HERC5: variants seen among roughly 807,000 people sequenced by gnomAD.
HERC5 encodes the protein HECT and RLD domain containing E3 ubiquitin protein ligase 5, also known as E3 ISG15--protein ligase HERC5.
HERC5 carries 99 observed loss-of-function variants against 119.6 expected under a neutral mutation model. The observed-to-expected ratio is 0.83, with a 90% confidence interval of 0.70 to 0.98. HERC5 has a LOEUF of 0.98. Ranked by LOEUF, HERC5 falls within the 50% of genes least tolerant of loss-of-function variation. HERC5 has a pLI of 0.00. For synonymous variants in HERC5, 478 were observed against 445.9 expected, an observed-to-expected ratio of 1.07 and a Z score of -0.91; for missense variants, 1,267 against 1,241.3, an observed-to-expected ratio of 1.02 and a Z score of -0.31.
At chr4:88,501,287 T>C (rs950890831) in intron 20 of HERC5, among the ~76,000 whole-genome samples, 2 of 152,232 alleles carry the variant, frequency 1.3e-5, no homozygotes, top group African/African-American at 4.8e-5. Context: ...ACACATTACC[T>C]ACCTTTAGGG....
intron 11 of HERC5, among the ~76,000 whole-genome samples, chr4:88,474,762 A>T (rs921485640): frequency 6.6e-6 from 1 of 152,196 alleles, no homozygotes; most frequent in African/African-American, 2.4e-5. Flanking sequence ...CAGATTTCTC[A>T]TCAGTAAAAT....
In HERC5 at chr4:88,494,266, T is replaced by G. The variant is rs142762471; in HGVS notation, c.2379T>G (p.Phe793Leu). 1 of 1,613,836 alleles carries G rather than the reference T, an allele frequency of 6.2e-7. No individual in the cohort carries two copies. The highest frequency in any genetic ancestry group is 2.2e-5 in the East Asian group (1 of 44,832). ...ACCTTCCTTTCCCACTGGCACTGTT[T>G]AAGAAACTTTTGGACCAAATGCCAT... is the stretch of plus-strand genomic sequence containing the variant. ...VANLPFPLAL[F>L]KKLLDQMPSL... Residue 793 changes from phenylalanine (F) to leucine (L), a missense_variant, in exon 18 of 23, where the codon TTT becomes TTG. Phe to Leu is a conservative substitution (Grantham distance 22). Transcript: ENST00000264350.
chr4:88,505,850 C>G lies in HERC5; in HGVS notation c.3047C>G (p.Ala1016Gly). Residue 1016 changes from alanine (A) to glycine (G), a missense_variant, in exon 23 of 23, where the codon GCC (alanine) becomes GGC (glycine). This residue lies in a region of HERC5 where 473 missense variants were observed against 445.7 expected (regional missense o/e 1.06). Coordinates refer to ENST00000264350, the MANE Select transcript of HERC5 (RefSeq NM_016323.4). Reference protein sequence around the residue: ...METVEEALQEAINNNRGFG With the variant: ...METVEEALQEGINNNRGFG ...ACAGTTGAAGAAGCGCTTCAAGAAGCCATCAACAACAACAGAGGATTTGGC... is the reference window on the plus strand; with the variant it reads ...ACAGTTGAAGAAGCGCTTCAAGAAGGCATCAACAACAACAGAGGATTTGGC... The G allele has an allele frequency of 6.2e-7, 1 of 1,612,150 alleles. No individual in the cohort carries two copies. The highest frequency in any genetic ancestry group is 8.5e-7 in the Non-Finnish European group (1 of 1,179,156).
rs1741490126 is a variant in HERC5, at chr4:88,487,110, C to CT, written c.1896dup (p.Pro633SerfsTer5). 1 of 1,611,878 alleles carries CT rather than the reference C, an allele frequency of 6.2e-7. No individual in the cohort carries two copies. Among genetic ancestry groups the CT allele is most frequent in the Admixed American group, 1.7e-5 (1 of 59,946 alleles). ...TACAATGCTGCGTCATATTCAGTCA[C>CT]TTTCCATTTATCTTTAATAATCTGT... On this transcript the variant is annotated frameshift_variant, in exon 15 of 23. Transcript: ENST00000264350. LOFTEE classifies it high-confidence loss of function.
chr4:88,467,021 A>T, intron 6 of HERC5, 38 bp from the exon 7 acceptor site: 2 of 1,604,206 alleles, frequency 1.2e-6, no homozygotes, highest in East Asian at 4.5e-5. Context: ...ATCATTGTGG[A>T]TAATTAAGAA....
At chr4:88,463,270 C>G (rs1187604081) in intron 4 of HERC5, among the ~76,000 whole-genome samples, 2 of 152,168 alleles carry the variant, frequency 1.3e-5, no homozygotes, top group Non-Finnish European at 2.9e-5. Context: ...TAAAGTGAAT[C>G]AAGTCATAAC....
chr4:88,467,625 A>C (rs1410162462), intron 7 of HERC5, among the ~76,000 whole-genome samples: 1 of 152,238 alleles, frequency 6.6e-6, no homozygotes, highest in Non-Finnish European at 1.5e-5. Context: ...TGTGCTCAGC[A>C]CTTACTTGTG....
At chr4:88,479,284 CAAAAA>C (rs376253040) in intron 12 of HERC5, 64 bp from the exon 13 acceptor site, 916 of 929,256 alleles carry the variant, frequency 9.9e-4, no homozygotes, top group South Asian at 2.1e-3. Flanking sequence ...GACTCTGTCT[CAAAAA>C]AAAAAAAAAA....
chr4:88,498,542 A>G (rs115808046), intron 18 of HERC5, among the ~76,000 whole-genome samples: 3,226 of 152,274 alleles, frequency 0.021, 50 homozygotes, highest in Non-Finnish European at 0.031. Flanking sequence ...GGGAATGTCT[A>G]TCCTATGCCT....
chr4:88,488,241 T>C (rs538271434), intron 15 of HERC5, among the ~76,000 whole-genome samples: 1 of 151,062 alleles, frequency 6.6e-6, no homozygotes, highest in African/African-American at 2.4e-5. Flanking sequence ...TTTCTTTTTT[T>C]TTTTTTTTGA....
chr4:88,505,515 G>T (rs1337359875), intron 22 of HERC5, among the ~76,000 whole-genome samples, 158 bp from the exon 23 acceptor site: 1 of 152,184 alleles, frequency 6.6e-6, no homozygotes, highest in Non-Finnish European at 1.5e-5. Flanking sequence ...GTGACTATGT[G>T]TCAGACATTG....
chr4:88,479,030 A>G (rs1741177350), intron 12 of HERC5, among the ~76,000 whole-genome samples: 2 of 152,240 alleles, frequency 1.3e-5, no homozygotes, highest in South Asian at 4.1e-4. Context: ...TCATGCCTAC[A>G]ATCCCAGCAC....
At chr4:88,480,419 T>A (rs148230180) in intron 13 of HERC5, among the ~76,000 whole-genome samples, 57 of 151,980 alleles carry the variant, frequency 3.8e-4, no homozygotes, top group African/African-American at 1.1e-3. Context: ...GACAGATATA[T>A]ATGCTGTTTG....
intron 13 of HERC5, among the ~76,000 whole-genome samples, chr4:88,485,593 A>G (rs1057228298): frequency 6.6e-6 from 1 of 152,192 alleles, no homozygotes; most frequent in African/African-American, 2.4e-5. Flanking sequence ...ACAGTCACTA[A>G]TGTCTGAAGT....
At position 88,493,141 on chromosome 4, in the gene HERC5, T is replaced by C; in HGVS notation, c.2263T>C (p.Trp755Arg). ...FMYPEGASCM[W>R]FPVKPKFEKK... ...GTATCCTGAAGGGGCTTCCTGCATG[T>C]GGTTTCCTGTCAAGGTAAGTTCCCT... Residue 755 changes from tryptophan to arginine, a missense_variant, in exon 17 of 23, where the codon TGG becomes CGG. Trp to Arg is a moderately radical substitution (Grantham distance 101). Transcript: ENST00000264350. 6 of 1,613,904 alleles carry C rather than the reference T, an allele frequency of 3.7e-6. No individual in the cohort carries two copies. Among genetic ancestry groups the C allele is most frequent in the Non-Finnish European group, 5.1e-6 (6 of 1,179,898 alleles).
intron 13 of HERC5, among the ~76,000 whole-genome samples, chr4:88,480,461 T>C (rs1450270978): frequency 6.6e-6 from 1 of 152,042 alleles, no homozygotes; most frequent in African/African-American, 2.4e-5. Context: ...TTTTTTGTCT[T>C]GTTGGGAGTT....
At chr4:88,480,066 CAAAAAAA>C (rs58577205) in intron 13 of HERC5, among the ~76,000 whole-genome samples, 2 of 93,942 alleles carry the variant, frequency 2.1e-5, no homozygotes, top group South Asian at 6.4e-4. Flanking sequence ...GACTCCGTCT[CAAAAAAA>C]AAAAAAAAAA....
At position 88,457,291 on chromosome 4, in the gene HERC5, A is replaced by G; in HGVS notation, c.22A>G (p.Lys8Glu). The G allele has an allele frequency of 7.4e-7, 1 of 1,357,252 alleles. No homozygotes were observed. The highest frequency in any genetic ancestry group is 9.4e-7 in the Non-Finnish European group (1 of 1,060,918). 84.1% of individuals were successfully genotyped at this position (1,357,252 alleles called of 1,614,324 possible). ...GGCGATGGAGCGGAGGTCGCGGAGG[A>G]AGTCGCGGCGCAACGGGCGCTCGAC... is the stretch of plus-strand genomic sequence containing the variant. MERRSRR[K>E]SRRNGRSTAG... Residue 8 changes from lysine (K) to glutamate (E), a missense_variant, in exon 1 of 23, where the codon AAG (lysine) becomes GAG (glutamate). Lys to Glu is a moderately conservative substitution (Grantham distance 56, BLOSUM62 1). Transcript: ENST00000264350.
intron 17 of HERC5, among the ~76,000 whole-genome samples, 158 bp downstream of exon 17, chr4:88,493,313 A>G (rs1263425322): frequency 6.6e-6 from 1 of 152,196 alleles, no homozygotes; most frequent in Admixed American, 6.5e-5. Flanking sequence ...TATTTTCTTT[A>G]AAATGGAGTT....
Sources: allele counts gnomAD v4.1 joint callset (sites outside exome capture counted in the v4.1 genomes callset), GRCh38; gene constraint gnomAD v4.1.1; regional missense constraint gnomAD v4.1.1; transcripts MANE v1.5; gene names NCBI Gene and HGNC (gene_info 2026-07-23, HGNC 2026-07-21).